Variants in DPP6 observed in about 807,000 individuals in gnomAD.
The protein encoded by DPP6 is A-type potassium channel modulatory protein DPP6.
Under a neutral mutation model 122.6 loss-of-function variants are expected in DPP6, and 69 were observed. That is an observed-to-expected ratio of 0.56 (90% CI 0.46 to 0.69). The LOEUF is 0.69. Ranked by LOEUF, DPP6 falls within the 30% of genes least tolerant of loss-of-function variation. The pLI is 0.00. For missense variants in DPP6, 928 were observed against 1,116.9 expected (o/e 0.83, Z 2.41); for synonymous variants, 418 against 433.1 (o/e 0.97, Z 0.43).
chr7:154,671,001 A>G lies in DPP6; in HGVS notation c.762+1560A>G, dbSNP rs114212894. On this transcript the variant is annotated intron_variant, in intron 7 of 25. Coordinates refer to ENST00000377770, the MANE Select transcript of DPP6 (RefSeq NM_130797.4). The stretch of plus-strand genomic sequence containing the variant: ...GTGACAGGAGGAAGTGAGGCAGCTG[A>G]GAGCTGACCTTGACCGAGGAACACC... 4.3e-3 allele frequency among the ~76,000 whole-genome samples: 650 copies of G among 152,332 alleles called. 3 individuals are homozygous for G. Among genetic ancestry groups the G allele is most frequent in the African/African-American group, 0.015 (626 of 41,576 alleles).
intron 1 of DPP6, among the ~76,000 whole-genome samples, chr7:153,937,029 C>T (rs563866098): frequency 2.0e-5 from 3 of 152,144 alleles, no homozygotes; most frequent in South Asian, 2.1e-4. Context: ...CAATTGGCCT[C>T]TAGGCAGGTG....
intron 6 of DPP6, among the ~76,000 whole-genome samples, chr7:154,643,719 C>T (rs977732738): frequency 2.0e-5 from 3 of 152,080 alleles, no homozygotes; most frequent in African/African-American, 7.2e-5. Flanking sequence ...CTGCCCACCT[C>T]GGCCTCCCGA....
intron 1 of DPP6, among the ~76,000 whole-genome samples, chr7:154,299,600 A>T: frequency 6.6e-6 from 1 of 152,092 alleles, no homozygotes; most frequent in East Asian, 1.9e-4. Context: ...CCCCACATTC[A>T]TTTTTATTTT....
chr7:154,855,847 T>C (rs886423897), intron 17 of DPP6, among the ~76,000 whole-genome samples: 2 of 152,236 alleles, frequency 1.3e-5, no homozygotes, highest in African/African-American at 4.8e-5. Flanking sequence ...AGCAAATGTA[T>C]ATTTTCATTT....
chr7:154,581,820 A>C (rs1832089280), intron 5 of DPP6, among the ~76,000 whole-genome samples: 1 of 152,192 alleles, frequency 6.6e-6, no homozygotes, highest in Non-Finnish European at 1.5e-5. Context: ...ATCTCATTTC[A>C]GACTCTCTCA....
At chr7:154,143,953 T>C (rs1204650253) in intron 1 of DPP6, among the ~76,000 whole-genome samples, 1 of 152,196 alleles carries the variant, frequency 6.6e-6, no homozygotes, top group East Asian at 1.9e-4. Context: ...GTATATATTT[T>C]TAATACATAT....
intron 19 of DPP6, 122 bp downstream of exon 19, chr7:154,872,815 A>C (rs1158868951): frequency 6.6e-7 from 1 of 1,512,676 alleles, no homozygotes; most frequent in African/African-American, 1.4e-5. Context: ...TTGCAAACTG[A>C]AAACATAACA....
intron 1 of DPP6, among the ~76,000 whole-genome samples, chr7:153,962,756 A>G (rs1563052950): frequency 6.6e-6 from 1 of 152,228 alleles, no homozygotes; most frequent in Non-Finnish European, 1.5e-5. Flanking sequence ...GGAACCATCT[A>G]GAAGCCTAAG....
intron 3 of DPP6, among the ~76,000 whole-genome samples, chr7:154,520,674 T>C (rs998885535): frequency 4.6e-5 from 7 of 152,230 alleles, no homozygotes; most frequent in African/African-American, 1.7e-4. Flanking sequence ...CTTGGCTCCA[T>C]TGGAAATGCT....
At chr7:154,193,875 G>A (rs183290439) in intron 1 of DPP6, among the ~76,000 whole-genome samples, 1 of 152,108 alleles carries the variant, frequency 6.6e-6, no homozygotes, top group East Asian at 1.9e-4. Flanking sequence ...CCTGGGATGC[G>A]CTCACCACAG....
intron 5 of DPP6, among the ~76,000 whole-genome samples, chr7:154,628,495 C>A (rs1835219097): frequency 6.6e-6 from 1 of 152,140 alleles, no homozygotes; most frequent in African/African-American, 2.4e-5. Context: ...TTATTGGTCT[C>A]ACCACTAGAA....
intron 4 of DPP6, among the ~76,000 whole-genome samples, chr7:154,555,281 C>T (rs943422788): frequency 3.3e-5 from 5 of 151,992 alleles, no homozygotes; most frequent in African/African-American, 9.7e-5. Context: ...GAATACTATG[C>T]AGCCATAAAA....
At chr7:153,844,300 G>A in the DPP6 span, among the ~76,000 whole-genome samples, 1 of 152,194 alleles carries the variant, frequency 6.6e-6, no homozygotes, top group South Asian at 2.1e-4. Flanking sequence ...ATGAACCATA[G>A]CAATCATGGC....
intron 8 of DPP6, 57 bp from the exon 9 acceptor site, chr7:154,769,360 G>T (rs1796095591): frequency 1.2e-6 from 2 of 1,603,912 alleles, no homozygotes; most frequent in East Asian, 2.2e-5. Flanking sequence ...TGCTGGTGCA[G>T]CTCCAATTTC....
At chr7:153,839,077 C>G in the DPP6 span, among the ~76,000 whole-genome samples, 1 of 151,964 alleles carries the variant, frequency 6.6e-6, no homozygotes, top group African/African-American at 2.4e-5. Flanking sequence ...TTTCCAGATG[C>G]TGCTGCTGCT....
chr7:154,434,178 C>T (rs1426592797), intron 1 of DPP6, among the ~76,000 whole-genome samples: 1 of 152,118 alleles, frequency 6.6e-6, no homozygotes, highest in Non-Finnish European at 1.5e-5. Flanking sequence ...CCTCTTGTTC[C>T]TGGTATGTGC....
chr7:154,431,424 A>T (rs760013072), intron 1 of DPP6, among the ~76,000 whole-genome samples: 1 of 109,392 alleles, frequency 9.1e-6, no homozygotes, highest in East Asian at 2.6e-4. Context: ...ACCTCATGTC[A>T]GGCTCTGTTT....
the DPP6 span, among the ~76,000 whole-genome samples, chr7:153,783,407 C>T: frequency 6.6e-6 from 1 of 152,124 alleles, no homozygotes; most frequent in Non-Finnish European, 1.5e-5. Context: ...ATCACAAGAA[C>T]AGCCTGGGGG....
chr7:154,400,241 G>C (rs1815453643), intron 1 of DPP6, among the ~76,000 whole-genome samples: 1 of 152,210 alleles, frequency 6.6e-6, no homozygotes, highest in Non-Finnish European at 1.5e-5. Flanking sequence ...CCACAGCAAA[G>C]AGAGGTAGGT....
Sources: allele counts gnomAD v4.1 joint callset (sites outside exome capture counted in the v4.1 genomes callset), GRCh38; gene constraint gnomAD v4.1.1; transcripts MANE v1.5; gene names NCBI Gene and HGNC (gene_info 2026-07-23, HGNC 2026-07-21).